The following TMC7 variants were observed in gnomAD, a reference collection of about 807,000 sequenced individuals.
The protein encoded by TMC7 is transmembrane channel like 7.
A neutral mutation model predicts 82.9 loss-of-function variants in TMC7; 54 were observed. The observed-to-expected ratio is 0.65, with a 90% CI of 0.52 to 0.82. The LOEUF (loss-of-function observed/expected upper bound fraction) is 0.82. Ranked by LOEUF, TMC7 falls within the 40% of genes least tolerant of loss-of-function variation. The pLI is 0.00. For missense variants in TMC7, 820 were observed against 901.2 expected (o/e 0.91, Z 1.15); for synonymous variants, 350 against 337.9 (o/e 1.04, Z -0.39).
At chr16:19,019,351 T>A (rs904458834) in intron 3 of TMC7, among the ~76,000 whole-genome samples, 3 of 152,252 alleles carry the variant, frequency 2.0e-5, no homozygotes, top group Non-Finnish European at 2.9e-5. Flanking sequence ...ATTTGGAGAA[T>A]ATAACATATT....
intron 5 of TMC7, among the ~76,000 whole-genome samples, chr16:19,028,841 A>G (rs1960356436): frequency 6.7e-6 from 1 of 149,806 alleles, no homozygotes; most frequent in Non-Finnish European, 1.5e-5. Context: ...TTTTTAGTAG[A>G]GATAGGGTTT....
At chr16:19,058,148 T>G (rs960620373) in intron 14 of TMC7, among the ~76,000 whole-genome samples, 1 of 152,060 alleles carries the variant, frequency 6.6e-6, no homozygotes, top group Admixed American at 6.6e-5. Flanking sequence ...TCCCAGCACT[T>G]TGGGAGGCCG....
intron 1 of TMC7, among the ~76,000 whole-genome samples, chr16:18,988,212 T>C (rs1596709473): frequency 1.3e-5 from 2 of 149,896 alleles, no homozygotes; most frequent in South Asian, 2.1e-4. Context: ...TGGAGTGCAA[T>C]GGTGCGATCT....
rs1327219822 is a variant in TMC7, at chr16:19,003,069, G to A, written c.68-6103G>A. On this transcript the variant is annotated intron_variant, in intron 1 of 15. Transcript: ENST00000304381. ...GAGCAGGCCAAGGGTGGTGGCTTATGCCTGTAATCCCAGCCCTTTGGGAGG... is the reference window on the plus strand; with the variant it reads ...GAGCAGGCCAAGGGTGGTGGCTTATACCTGTAATCCCAGCCCTTTGGGAGG... Among the ~76,000 whole-genome samples the A allele has an allele frequency of 2.0e-5, 3 of 152,338 alleles. No homozygotes were observed. The East Asian group carries it at 5.8e-4, about 29-fold the overall frequency.
In TMC7 at chr16:19,030,277, G is replaced by A. The variant is rs561493305; in HGVS notation, c.765G>A (p.Val255=). 2.5e-4 allele frequency: 398 copies of A among 1,613,594 alleles called. 8 individuals carry two copies. In the South Asian group the frequency reaches 4.3e-3, roughly 17 times the overall value. The change falls in exon 6 of 16, where the codon GTG becomes GTA. Residue 255 remains valine (V), a synonymous_variant. Coordinates refer to ENST00000304381, the MANE Select transcript of TMC7 (RefSeq NM_024847.4). ...LFYGHYTIDG[V]KFQNFTYDLP... ...ACGGACATTACACCATTGATGGGGT[G>A]AAATTTCAGAACTTCACCTATGATC...
intron 8 of TMC7, 114 bp from the exon 9 acceptor site, chr16:19,040,175 T>A: frequency 1.3e-6 from 1 of 796,854 alleles, no homozygotes; most frequent in Non-Finnish European, 1.9e-6. Flanking sequence ...CCATGTTGAA[T>A]GACAAATACG....
intron 14 of TMC7, among the ~76,000 whole-genome samples, chr16:19,058,335 G>A (rs763680457): frequency 7.9e-5 from 12 of 152,072 alleles, no homozygotes; most frequent in African/African-American, 1.7e-4. Context: ...AGCTGAGATC[G>A]CGCCATTGCA....
chr16:19,045,389 G>C lies in TMC7; in HGVS notation c.1504G>C (p.Asp502His). Reference protein sequence around the residue: ...GQEMYKLMIFDFIIILAVTLF... With the variant: ...GQEMYKLMIFHFIIILAVTLF... ...GGAAATGTACAAGCTGATGATCTTCGACTTCATCATCATCTTGGCTGTGAC... is the reference window on the plus strand; with the variant it reads ...GGAAATGTACAAGCTGATGATCTTCCACTTCATCATCATCTTGGCTGTGAC... Residue 502 changes from aspartate (D) to histidine (H), a missense_variant, in exon 11 of 16, where the codon GAC becomes CAC. Transcript: ENST00000304381. 6.2e-7 allele frequency: 1 copy of C among 1,613,836 alleles called. No individual in the cohort carries two copies. The highest frequency in any genetic ancestry group is 8.5e-7 in the Non-Finnish European group (1 of 1,179,982).
intron 5 of TMC7, 34 bp from the exon 6 acceptor site, chr16:19,030,189 AC>A: frequency 6.3e-7 from 1 of 1,595,878 alleles, no homozygotes; most frequent in African/African-American, 1.3e-5. Flanking sequence ...CAGTAAGCTG[AC>A]CAGTCTGACT....
intron 11 of TMC7, among the ~76,000 whole-genome samples, chr16:19,045,813 G>T (rs1961250634): frequency 6.6e-6 from 1 of 151,958 alleles, no homozygotes; most frequent in Non-Finnish European, 1.5e-5. Context: ...AGCCAGGATG[G>T]TCTGGATATC....
intron 5 of TMC7, among the ~76,000 whole-genome samples, chr16:19,029,157 C>T (rs541101849): frequency 3.3e-5 from 5 of 151,738 alleles, no homozygotes; most frequent in African/African-American, 9.7e-5. Flanking sequence ...AGGCGCCCGC[C>T]ACCACACCCG....
chr16:19,001,080 A>C (rs939053377), intron 1 of TMC7, among the ~76,000 whole-genome samples: 2 of 152,206 alleles, frequency 1.3e-5, no homozygotes, highest in Non-Finnish European at 2.9e-5. Flanking sequence ...ATTCATATAG[A>C]GAAGAATAAT....
intron 3 of TMC7, among the ~76,000 whole-genome samples, chr16:19,020,936 T>A (rs927519075): frequency 2.6e-5 from 4 of 152,066 alleles, no homozygotes. Context: ...TATGCAATAA[T>A]TATGCACAGA....
At chr16:19,015,861 C>T (rs1448173841) in intron 2 of TMC7, among the ~76,000 whole-genome samples, 1 of 152,040 alleles carries the variant, frequency 6.6e-6, no homozygotes, top group Non-Finnish European at 1.5e-5. Context: ...CAGGCATGAG[C>T]CACCACGCCC....
chr16:19,047,274 C>T (rs746638164), intron 12 of TMC7, 25 bp downstream of exon 12: 6 of 1,604,254 alleles, frequency 3.7e-6, no homozygotes, highest in Non-Finnish European at 4.3e-6. Flanking sequence ...GGAATGGGGG[C>T]TCATATACTG....
intron 14 of TMC7, among the ~76,000 whole-genome samples, chr16:19,058,678 T>C (rs1312443317): frequency 6.6e-6 from 1 of 152,204 alleles, no homozygotes; most frequent in African/African-American, 2.4e-5. Flanking sequence ...AGCTGTTTCT[T>C]ATACCCTCTG....
chr16:19,035,655 A>T, intron 6 of TMC7, 21 bp from the exon 7 acceptor site: 2 of 1,614,076 alleles, frequency 1.2e-6, no homozygotes, highest in African/African-American at 1.3e-5. Context: ...TATAAGAAGG[A>T]TGATTGTGTT....
chr16:19,007,116 T>C (rs1019317039), intron 1 of TMC7, among the ~76,000 whole-genome samples: 2 of 152,012 alleles, frequency 1.3e-5, no homozygotes, highest in African/African-American at 2.4e-5. Context: ...TGAGCCACCG[T>C]GCCTGGCTGT....
At position 18,986,854 on chromosome 16, in the gene TMC7, A is replaced by G. The variant is rs796150756; in HGVS notation, c.67+2724A>G. 8.4e-4 allele frequency among the ~76,000 whole-genome samples: 126 copies of G among 150,808 alleles called. 1 individual carries two copies. Among genetic ancestry groups the G allele is most frequent in the African/African-American group, 2.8e-3 (115 of 40,986 alleles). On this transcript the variant is annotated intron_variant, in intron 1 of 15. Transcript: ENST00000304381. Reference sequence around the variant, plus strand: ...GAGTCTTACTCTGTCGCCCAGGCTGAAGTGCAGTGGCGCGATCTCGGCTCA... The same window carrying G: ...GAGTCTTACTCTGTCGCCCAGGCTGGAGTGCAGTGGCGCGATCTCGGCTCA...
Sources: allele counts gnomAD v4.1 joint callset (sites outside exome capture counted in the v4.1 genomes callset), GRCh38; gene constraint gnomAD v4.1.1; transcripts MANE v1.5; gene names NCBI Gene and HGNC (gene_info 2026-07-23, HGNC 2026-07-21).